Variants in ECT2 observed in about 807,000 individuals in gnomAD.
ECT2 encodes the protein protein ECT2.
Under a neutral mutation model 116.9 loss-of-function variants are expected in ECT2, and 61 were observed. The ratio of observed to expected loss-of-function variants is 0.52; its 90% CI spans 0.42 to 0.65. The LOEUF (loss-of-function observed/expected upper bound fraction) is 0.65, where lower values mean the gene tolerates loss of function less well. Ranked by LOEUF, ECT2 falls within the 30% of genes least tolerant of loss-of-function variation. The pLI, the probability that ECT2 is intolerant of heterozygous loss-of-function variation, is 0.00. For synonymous variants in ECT2, 358 were observed against 346.4 expected, an observed-to-expected ratio of 1.03 and a Z score of -0.37; for missense variants, 937 against 1,078.7, an observed-to-expected ratio of 0.87 and a Z score of 1.84.
Position 172,762,634 on chromosome 3 carries a change from T to A in ECT2, c.890-57T>A, listed in dbSNP as rs900671938. 21 of 1,579,510 alleles carry A rather than the reference T, an allele frequency of 1.3e-5. No individual in the cohort carries two copies. In the African/African-American group the frequency reaches 2.1e-4, roughly 15 times the overall value. On this transcript the variant is annotated intron_variant, in intron 9 of 24. Transcript: ENST00000392692. ...CCTGGTCAATATACCTCTTAAAAAA[T>A]TTGAGTTTGGAAATAAGTAGCTTGG...
chr3:172,753,816 G>C (rs1220145959), intron 1 of ECT2, among the ~76,000 whole-genome samples: 1 of 152,182 alleles, frequency 6.6e-6, no homozygotes, highest in African/African-American at 2.4e-5. Context: ...AGTTAGGCGG[G>C]GACCAAATTG....
chr3:172,762,620 T>C (rs1718543305), intron 9 of ECT2, 71 bp from the exon 10 acceptor site: 1 of 1,579,144 alleles, frequency 6.3e-7, no homozygotes, highest in Non-Finnish European at 8.6e-7. Flanking sequence ...CTGGTCAATA[T>C]ACCTCTTAAA....
chr3:172,777,507 A>G (rs1278052776), intron 14 of ECT2, among the ~76,000 whole-genome samples: 1 of 152,212 alleles, frequency 6.6e-6, no homozygotes, highest in Non-Finnish European at 1.5e-5. Context: ...GTTTTGAGTA[A>G]GATGAAAATT....
In ECT2 at chr3:172,755,229, C is replaced by T. The variant is rs538916893; in HGVS notation, c.131-66C>T. On this transcript the variant is annotated intron_variant, in intron 2 of 24. Transcript: ENST00000392692. ...TACATACTAGATATAGCCAAAAGAGCGATAAGGACCTACTGATTGTGATGT... is the reference window on the plus strand; with the variant it reads ...TACATACTAGATATAGCCAAAAGAGTGATAAGGACCTACTGATTGTGATGT... 1.9e-3 allele frequency: 2,348 copies of T among 1,245,590 alleles called. 7 individuals carry two copies. Among genetic ancestry groups the T allele is most frequent in the South Asian group, 3.8e-3 (253 of 66,436 alleles). The allele number at this position is 1,245,590 out of a possible 1,614,324, so 77.2% of individuals were successfully genotyped here.
intron 14 of ECT2, among the ~76,000 whole-genome samples, chr3:172,776,203 T>A: frequency 8.0e-6 from 1 of 125,090 alleles, no homozygotes; most frequent in East Asian, 2.0e-4. Flanking sequence ...TTTTTCTTTT[T>A]TTTTTTTTTT....
At chr3:172,762,290 A>G in intron 8 of ECT2, 126 bp from the exon 9 acceptor site, 1 of 1,022,838 alleles carries the variant, frequency 9.8e-7, no homozygotes, top group Non-Finnish European at 1.4e-6. Context: ...TCAGGACCAA[A>G]TATTAAATAG....
At position 172,769,129 on chromosome 3, in the gene ECT2, G is replaced by T. The variant is rs1230431391; in HGVS notation, c.1414G>T (p.Ala472Ser). ...QTESNYVNIL[A>S]TIIQLFQVPL... ...TGAAAGTAATTATGTTAATATATTG[G>T]CAACAATTATTCAGGTAAGTATGAG... Residue 472 changes from alanine to serine, a missense_variant, in exon 13 of 25, where the codon GCA becomes TCA. Coordinates refer to ENST00000392692, the MANE Select transcript of ECT2 (RefSeq NM_001258315.2). The T allele has an allele frequency of 6.2e-7, 1 of 1,611,378 alleles. No individual in the cohort carries two copies. Among genetic ancestry groups the T allele is most frequent in the Non-Finnish European group, 8.5e-7 (1 of 1,178,410 alleles).
intron 12 of ECT2, 68 bp from the exon 13 acceptor site, chr3:172,768,939 T>G: frequency 7.1e-7 from 1 of 1,414,374 alleles, no homozygotes; most frequent in Non-Finnish European, 9.5e-7. Context: ...TTTATCTTGT[T>G]AAGTCTACAT....
intron 18 of ECT2, among the ~76,000 whole-genome samples, chr3:172,787,963 G>C (rs1426885390): frequency 6.6e-6 from 1 of 152,150 alleles, no homozygotes; most frequent in Non-Finnish European, 1.5e-5. Flanking sequence ...CTGCTGTAGG[G>C]ATAATGAGCT....
intron 20 of ECT2, among the ~76,000 whole-genome samples, chr3:172,803,645 T>C (rs1322185324): frequency 6.6e-6 from 1 of 152,136 alleles, no homozygotes. Context: ...AAGAGAAAAA[T>C]GTTCATTTTG....
At chr3:172,801,067 G>A (rs932169120) in intron 18 of ECT2, among the ~76,000 whole-genome samples, 7 of 151,842 alleles carry the variant, frequency 4.6e-5, no homozygotes, top group Admixed American at 1.3e-4. Flanking sequence ...AATTTATGAC[G>A]TGAATATAAT....
At chr3:172,827,319 G>A in the ECT2 span, among the ~76,000 whole-genome samples, 3 of 152,138 alleles carry the variant, frequency 2.0e-5, no homozygotes, top group Non-Finnish European at 4.4e-5. Flanking sequence ...TCAAAGAGAT[G>A]TCTGCACTCC....
intron 13 of ECT2, 77 bp from the exon 14 acceptor site, chr3:172,773,826 C>T (rs566229943): frequency 2.9e-6 from 4 of 1,395,026 alleles, no homozygotes; most frequent in African/African-American, 1.4e-5. Context: ...TATCTTGTGT[C>T]TCCTTTATCA....
chr3:172,757,338 G>A (rs562735134), intron 5 of ECT2, among the ~76,000 whole-genome samples, 173 bp downstream of exon 5: 1 of 151,810 alleles, frequency 6.6e-6, no homozygotes, highest in African/African-American at 2.4e-5. Flanking sequence ...TTTAAACTTA[G>A]TGGTGAAAAG....
chr3:172,788,243 G>C (rs1723962050), intron 18 of ECT2, among the ~76,000 whole-genome samples: 1 of 152,164 alleles, frequency 6.6e-6, no homozygotes, highest in African/African-American at 2.4e-5. Flanking sequence ...CACAGCACCA[G>C]TTCACTAGTC....
At chr3:172,814,204 A>G (rs895486865) in intron 22 of ECT2, among the ~76,000 whole-genome samples, 9 of 151,586 alleles carry the variant, frequency 5.9e-5, no homozygotes, top group African/African-American at 1.2e-4. Flanking sequence ...AAAGCTGTCT[A>G]TCTATCAGTG....
At chr3:172,770,529 G>T (rs572087079) in intron 13 of ECT2, among the ~76,000 whole-genome samples, 1 of 152,118 alleles carries the variant, frequency 6.6e-6, no homozygotes, top group South Asian at 2.1e-4. Flanking sequence ...TTATACAGAT[G>T]GGGTCTTGCT....
chr3:172,754,805 A>G, intron 2 of ECT2, 145 bp downstream of exon 2: 1 of 649,338 alleles, frequency 1.5e-6, no homozygotes, highest in Non-Finnish European at 2.5e-6. Flanking sequence ...ATCCTTTTAC[A>G]CTATGTCATT....
At chr3:172,763,768 G>A (rs547989560) in intron 11 of ECT2, among the ~76,000 whole-genome samples, 1 of 152,168 alleles carries the variant, frequency 6.6e-6, no homozygotes, top group Admixed American at 6.5e-5. Flanking sequence ...AACTTTGTGT[G>A]GAATATTGAA....
Sources: allele counts gnomAD v4.1 joint callset (sites outside exome capture counted in the v4.1 genomes callset), GRCh38; gene constraint gnomAD v4.1.1; transcripts MANE v1.5; gene names NCBI Gene and HGNC (gene_info 2026-07-23, HGNC 2026-07-21).